UMAD1: variants seen among roughly 807,000 people sequenced by gnomAD.
UMAD1 encodes the protein UBAP1-MVB12-associated (UMA) domain containing 1, also known as UBAP1-MVB12-associated (UMA)-domain containing protein 1.
A neutral mutation model predicts 6.1 loss-of-function variants in UMAD1; 8 were observed. The observed-to-expected ratio is 1.30, with a 90% CI of 0.76 to 2.35. The LOEUF (loss-of-function observed/expected upper bound fraction) is 2.35. Ranked by LOEUF, UMAD1 falls within the 30% of genes most tolerant of loss-of-function variation. The pLI, the probability that UMAD1 is intolerant of heterozygous loss-of-function variation, is 0.00. For synonymous variants in UMAD1, 56 were observed against 31.4 expected, an observed-to-expected ratio of 1.78 and a Z score of -2.61; for missense variants, 130 against 78.4, an observed-to-expected ratio of 1.66 and a Z score of -2.49.
chr7:7,839,122 A>G lies in UMAD1; in HGVS notation c.156+37379A>G, dbSNP rs542383829. 1.3e-3 allele frequency among the ~76,000 whole-genome samples: 201 copies of G among 152,284 alleles called. 1 individual carries two copies. The highest frequency in any genetic ancestry group is 4.6e-3 in the African/African-American group (193 of 41,570). On this transcript the variant is annotated intron_variant, in intron 3 of 3. Coordinates refer to ENST00000682710, the MANE Select transcript of UMAD1 (RefSeq NM_001302348.2). Reference sequence around the variant, plus strand: ...GTATTTTATTCTTTATGCCTTACACATATTATAGTATCTCGTCATTGTTTA... The same window carrying G: ...GTATTTTATTCTTTATGCCTTACACGTATTATAGTATCTCGTCATTGTTTA...
chr7:7,845,907 C>T (rs2115318967), intron 3 of UMAD1, among the ~76,000 whole-genome samples: 1 of 152,164 alleles, frequency 6.6e-6, no homozygotes, highest in East Asian at 1.9e-4. Context: ...AGAATAAGGC[C>T]TCCAGGCTAT....
rs1015857535 is a variant in UMAD1, at chr7:7,742,180, G to A, written c.83-59490G>A. On this transcript the variant is annotated intron_variant, in intron 2 of 3. Coordinates refer to ENST00000682710, the MANE Select transcript of UMAD1 (RefSeq NM_001302348.2). ...TCTCCATCAGGCCGAATCAGGTGTT[G>A]ACCTTGGCCACATCGATGTCACAGA... 3.1e-5 allele frequency: 21 copies of A among 670,504 alleles called. No homozygotes were observed. In the African/African-American group the frequency reaches 3.5e-4, roughly 11 times the overall value. 41.5% of individuals were successfully genotyped at this position (670,504 alleles called of 1,614,324 possible). A position where few individuals can be genotyped will look rare whatever the true frequency, so the allele number is the denominator to read the frequency against.
At chr7:7,841,440 A>C (rs1783680185) in intron 3 of UMAD1, among the ~76,000 whole-genome samples, 2 of 151,540 alleles carry the variant, frequency 1.3e-5, no homozygotes, top group Admixed American at 1.3e-4. Flanking sequence ...GTACACTGGG[A>C]CCACAGGCAC....
At chr7:7,787,304 G>A (rs1396807736) in intron 2 of UMAD1, among the ~76,000 whole-genome samples, 2 of 152,104 alleles carry the variant, frequency 1.3e-5, no homozygotes, top group East Asian at 3.8e-4. Context: ...TCTTTAACCA[G>A]TCTTGATATT....
chr7:7,691,487 A>G (rs1289342818), intron 2 of UMAD1, among the ~76,000 whole-genome samples: 2 of 152,238 alleles, frequency 1.3e-5, no homozygotes, highest in Non-Finnish European at 2.9e-5. Context: ...TGCAAAGAGC[A>G]TTTTGACTTC....
intron 2 of UMAD1, among the ~76,000 whole-genome samples, chr7:7,725,331 GC>G (rs1443848180): frequency 6.6e-6 from 1 of 152,166 alleles, no homozygotes; most frequent in African/African-American, 2.4e-5. Flanking sequence ...ACAGGTCCAG[GC>G]TGCTGTGTAA....
At chr7:7,826,350 A>G (rs556086724) in intron 3 of UMAD1, among the ~76,000 whole-genome samples, 1 of 152,260 alleles carries the variant, frequency 6.6e-6, no homozygotes, top group Admixed American at 6.5e-5. Context: ...GGACACAATC[A>G]TCATTATTTC....
At chr7:7,829,868 C>G (rs1783426723) in intron 3 of UMAD1, among the ~76,000 whole-genome samples, 1 of 152,118 alleles carries the variant, frequency 6.6e-6, no homozygotes, top group South Asian at 2.1e-4. Flanking sequence ...TGACTCATCT[C>G]TTTCCTCACA....
chr7:7,673,441 T>G lies in UMAD1; in HGVS notation c.70T>G (p.Phe24Val), dbSNP rs181569638. Residue 24 changes from phenylalanine (F) to valine (V), a missense_variant, in exon 2 of 4, where the codon TTC (phenylalanine) becomes GTC (valine). By Grantham distance (50) the Phe-to-Val change is conservative (BLOSUM62 -1). Coordinates refer to ENST00000682710, the MANE Select transcript of UMAD1 (RefSeq NM_001302348.2). The stretch of plus-strand genomic sequence containing the variant: ...AGTACCAGAGACAGAAGCAGATGGA[T>G]TCGTCCTTTTAGGTGAGTCTTTTTA... ...PSVPETEADG[F>V]VLLGDTTDEQ... 1.6e-3 allele frequency: 1,443 copies of G among 902,650 alleles called. 27 individuals are homozygous for G. The Admixed American group carries it at 0.025, about 16-fold the overall frequency. The allele number at this position is 902,650 out of a possible 1,614,324, so 55.9% of individuals were successfully genotyped here.
intron 3 of UMAD1, among the ~76,000 whole-genome samples, chr7:7,865,849 C>G (rs938012653): frequency 6.6e-6 from 1 of 152,186 alleles, no homozygotes; most frequent in African/African-American, 2.4e-5. Context: ...GTAGATGAGG[C>G]TAGCTCAGTG....
chr7:7,671,337 G>A (rs1779600786), intron 1 of UMAD1, among the ~76,000 whole-genome samples: 1 of 152,068 alleles, frequency 6.6e-6, no homozygotes, highest in African/African-American at 2.4e-5. Context: ...GGCTCCACAA[G>A]GCTTCAGTTG....
intron 2 of UMAD1, among the ~76,000 whole-genome samples, chr7:7,766,419 C>G (rs913420347): frequency 6.6e-6 from 1 of 152,008 alleles, no homozygotes; most frequent in Non-Finnish European, 1.5e-5. Flanking sequence ...AAAATAGGTC[C>G]TCGTGTAGTT....
At chr7:7,708,229 G>C (rs1780655469) in intron 2 of UMAD1, among the ~76,000 whole-genome samples, 1 of 152,124 alleles carries the variant, frequency 6.6e-6, no homozygotes, top group Admixed American at 6.6e-5. Context: ...ATTTTACATA[G>C]ATTCAAGTGG....
chr7:7,745,990 C>T (rs1431300968), intron 2 of UMAD1, among the ~76,000 whole-genome samples: 2 of 152,326 alleles, frequency 1.3e-5, no homozygotes, highest in East Asian at 1.9e-4. Context: ...CCCACCTCAG[C>T]CCCCTGAGTA....
intron 2 of UMAD1, among the ~76,000 whole-genome samples, chr7:7,710,993 G>C (rs11773013): frequency 6.6e-6 from 1 of 152,008 alleles, no homozygotes; most frequent in Admixed American, 6.6e-5. Flanking sequence ...TGACCAAACT[G>C]TACACAAAAA....
intron 3 of UMAD1, among the ~76,000 whole-genome samples, chr7:7,820,608 G>A (rs1301384031): frequency 6.6e-6 from 1 of 152,136 alleles, no homozygotes; most frequent in Non-Finnish European, 1.5e-5. Flanking sequence ...GGCCTGTCAG[G>A]TGTCAGTTTA....
intron 3 of UMAD1, among the ~76,000 whole-genome samples, chr7:7,817,152 G>A (rs183102136): frequency 2.0e-5 from 3 of 152,236 alleles, no homozygotes; most frequent in Non-Finnish European, 2.9e-5. Context: ...TATCCCATAC[G>A]TCTTGTGTTC....
chr7:7,758,696 A>G (rs1056876024), intron 2 of UMAD1, among the ~76,000 whole-genome samples: 3 of 152,180 alleles, frequency 2.0e-5, no homozygotes, highest in African/African-American at 7.2e-5. Flanking sequence ...GTATTCTGCA[A>G]TTTACCTTCT....
At chr7:7,731,460 G>A in intron 2 of UMAD1, among the ~76,000 whole-genome samples, 1 of 142,254 alleles carries the variant, frequency 7.0e-6, no homozygotes, top group African/African-American at 2.6e-5. Flanking sequence ...AAAGGAAAAG[G>A]AAAAGGAAAA....
Sources: gnomAD v4.1 joint callset for allele counts (sites outside exome capture counted in the v4.1 genomes callset) on GRCh38, gnomAD v4.1.1 for gene constraint, MANE v1.5 for transcripts, NCBI Gene and HGNC (gene_info 2026-07-23, HGNC 2026-07-21) for gene names.